The following SPART variants were observed in gnomAD, a reference collection of about 807,000 sequenced individuals.
The protein encoded by SPART is spartin.
Under a neutral mutation model 58.7 loss-of-function variants are expected in SPART, and 35 were observed. That is an observed-to-expected ratio of 0.60 (90% CI 0.46 to 0.79). The LOEUF (loss-of-function observed/expected upper bound fraction) is 0.79. SPART is among the 30% of genes least tolerant of loss of function. The pLI, the probability that SPART is intolerant of heterozygous loss-of-function variation, is 0.00. For synonymous variants in SPART, 284 were observed against 280.7 expected (o/e 1.01, Z -0.12); for missense variants, 730 against 786.1 (o/e 0.93, Z 0.85).
chr13:36,311,995 G>C (rs1282950598), intron 8 of SPART, 150 bp downstream of exon 8: 3 of 707,664 alleles, frequency 4.2e-6, no homozygotes, highest in Non-Finnish European at 7.4e-6. Context: ...GCTGAGGCAG[G>C]AGAAATGCCT....
At chr13:36,338,318 T>C (rs965237034) in intron 1 of SPART, among the ~76,000 whole-genome samples, 4 of 152,192 alleles carry the variant, frequency 2.6e-5, no homozygotes, top group African/African-American at 4.8e-5. Context: ...AAGTCAACAG[T>C]ACTTGGTGTC....
intron 1 of SPART, among the ~76,000 whole-genome samples, chr13:36,359,352 C>CACAGTGTCTT (rs1885747984): frequency 6.6e-6 from 1 of 152,044 alleles, no homozygotes; most frequent in Non-Finnish European, 1.5e-5. Flanking sequence ...TTTCTTATAC[C>CACAGTGTCTT]ACAGTGTCTT....
intron 5 of SPART, among the ~76,000 whole-genome samples, chr13:36,323,225 C>T (rs1882593723): frequency 6.6e-6 from 1 of 152,158 alleles, no homozygotes; most frequent in Non-Finnish European, 1.5e-5. Flanking sequence ...TGAGAGGGGA[C>T]ATTCAAATAC....
chr13:36,346,326 T>C lies in SPART; in HGVS notation c.-104A>G, dbSNP rs1474243703. ...CCCACTCCCTTACACTGGGCGCCGC[T>C]GCGCTCGCCGGGGGCCGGTCCCGAG... is the stretch of plus-strand genomic sequence containing the variant. On this transcript the variant is annotated 5_prime_UTR_variant, in exon 1 of 9. Coordinates refer to ENST00000438666, the MANE Select transcript of SPART (RefSeq NM_015087.5). The C allele has an allele frequency of 6.6e-6, 1 of 152,150 alleles. No individual in the cohort carries two copies. Among genetic ancestry groups the C allele is most frequent in the Non-Finnish European group, 1.5e-5 (1 of 68,070 alleles). The allele number at this position is 152,150 out of a possible 1,614,324, so 9.4% of individuals were successfully genotyped here.
intron 1 of SPART, among the ~76,000 whole-genome samples, chr13:36,363,771 TG>T (rs1885957043): frequency 1.3e-5 from 2 of 151,978 alleles, no homozygotes; most frequent in Non-Finnish European, 1.5e-5. Context: ...TTTTTTTTGT[TG>T]TTGTTGTTTT....
intron 1 of SPART, among the ~76,000 whole-genome samples, chr13:36,354,809 A>G (rs1274357515): frequency 1.3e-5 from 2 of 152,220 alleles, no homozygotes; most frequent in Non-Finnish European, 2.9e-5. Context: ...CTCCAACTGT[A>G]TGCCTTCTTT....
chr13:36,326,123 T>TC (rs1281109891), intron 5 of SPART: 1 of 207,080 alleles, frequency 4.8e-6, no homozygotes, highest in Non-Finnish European at 9.8e-6. Flanking sequence ...TGATGAGGGC[T>TC]CCTCCCTCAT....
At chr13:36,308,819 G>A (rs933613648) in intron 8 of SPART, among the ~76,000 whole-genome samples, 1 of 151,434 alleles carries the variant, frequency 6.6e-6, no homozygotes, top group African/African-American at 2.4e-5. Context: ...TAACCTCAGG[G>A]TCATAAAACA....
In SPART at chr13:36,304,243, A is replaced by ATT; in HGVS notation, c.*120_*121dup. 1 of 1,189,380 alleles carries ATT rather than the reference A, an allele frequency of 8.4e-7. No individual in the cohort carries two copies. Among genetic ancestry groups the ATT allele is most frequent in the Admixed American group, 1.9e-5 (1 of 52,902 alleles). 73.7% of individuals were successfully genotyped at this position (1,189,380 alleles called of 1,614,324 possible). On this transcript the variant is annotated 3_prime_UTR_variant, in exon 9 of 9. Coordinates refer to ENST00000438666, the MANE Select transcript of SPART (RefSeq NM_015087.5). Reference sequence around the variant, plus strand: ...CATGCCATAAAATTTATGAAAGTTAATTTGTAGGAATGAATACATTTAAAA... The same window carrying ATT: ...CATGCCATAAAATTTATGAAAGTTAATTTTTGTAGGAATGAATACATTTAAAA...
At chr13:36,347,664 T>C (rs1885232247), upstream of SPART, among the ~76,000 whole-genome samples, 2 of 152,178 alleles carry the variant, frequency 1.3e-5, 1 homozygote, top group Non-Finnish European at 2.9e-5. Flanking sequence ...ATGATTTTGC[T>C]CTTATACCCC....
At chr13:36,307,035 T>C (rs923577078) in intron 8 of SPART, among the ~76,000 whole-genome samples, 7 of 152,206 alleles carry the variant, frequency 4.6e-5, no homozygotes, top group Non-Finnish European at 1.0e-4. Context: ...GTTTTCCTAA[T>C]AGGCATATGT....
chr13:36,315,530 A>C (rs1881603109), intron 5 of SPART, among the ~76,000 whole-genome samples: 1 of 152,190 alleles, frequency 6.6e-6, no homozygotes, highest in Non-Finnish European at 1.5e-5. Context: ...TAACAATGAA[A>C]AGTGACATGT....
intron 1 of SPART, among the ~76,000 whole-genome samples, chr13:36,352,916 C>T (rs1215286289): frequency 6.6e-6 from 1 of 152,106 alleles, no homozygotes; most frequent in Non-Finnish European, 1.5e-5. Context: ...GCCATGTTCA[C>T]ATCTCTGCAC....
intron 5 of SPART, among the ~76,000 whole-genome samples, chr13:36,321,669 A>C (rs146378914): frequency 0.13 from 19,167 of 151,786 alleles, 1,264 homozygotes; most frequent in Middle Eastern, 0.18. Context: ...ATCACCCCCC[A>C]AAAATTTTTG....
rs1880101169 is a variant in SPART at position 36,302,659 on chromosome 13, GAT to G, written c.*1704_*1705del. The G allele has an allele frequency of 6.6e-6, 1 of 152,038 alleles. No homozygotes were observed. Among genetic ancestry groups the G allele is most frequent in the African/African-American group, 2.4e-5 (1 of 41,418 alleles). The allele number at this position is 152,038 out of a possible 1,614,324, so 9.4% of individuals were successfully genotyped here. A position where few individuals can be genotyped will look rare whatever the true frequency, so the allele number is the denominator to read the frequency against. On this transcript the variant is annotated 3_prime_UTR_variant, in exon 9 of 9. Transcript: ENST00000438666. ...GTGTATATATTTATGGGATACATGAGATATTTTGATACAGGTATGCGATTTAT... is the reference window on the plus strand; with the variant it reads ...GTGTATATATTTATGGGATACATGAGATTTTGATACAGGTATGCGATTTAT...
At chr13:36,313,053 G>T (rs992506382) in intron 6 of SPART, among the ~76,000 whole-genome samples, 1 of 151,838 alleles carries the variant, frequency 6.6e-6, no homozygotes. Flanking sequence ...AATCCATTAA[G>T]GTCCTATCTA....
chr13:36,307,225 G>A (rs1880597061), intron 8 of SPART, among the ~76,000 whole-genome samples: 1 of 151,872 alleles, frequency 6.6e-6, no homozygotes, highest in South Asian at 2.1e-4. Context: ...ACTACCAATT[G>A]AAAAATAATA....
chr13:36,319,627 C>G (rs1311478061), intron 5 of SPART, among the ~76,000 whole-genome samples: 1 of 145,342 alleles, frequency 6.9e-6, no homozygotes, highest in Non-Finnish European at 1.5e-5. Context: ...CCCCATGGTG[C>G]CAAACCCATA....
At chr13:36,331,657 T>C (rs1310008832) in intron 2 of SPART, 61 bp from the exon 3 acceptor site, 3 of 1,222,290 alleles carry the variant, frequency 2.5e-6, no homozygotes, top group African/African-American at 3.1e-5. Flanking sequence ...TAGATTTTCA[T>C]TTATGTTTTA....
Sources: allele counts gnomAD v4.1 joint callset (sites outside exome capture counted in the v4.1 genomes callset), GRCh38; gene constraint gnomAD v4.1.1; transcripts MANE v1.5; gene names NCBI Gene and HGNC (gene_info 2026-07-23, HGNC 2026-07-21).